ANXA13: variants seen among roughly 807,000 people sequenced by gnomAD.
The protein encoded by ANXA13 is annexin XIII.
ANXA13 carries 36 observed loss-of-function variants against 46.6 expected under a neutral mutation model. The observed-to-expected ratio is 0.77, with a 90% CI of 0.59 to 1.02. The LOEUF (loss-of-function observed/expected upper bound fraction) is 1.02. Ranked by LOEUF, ANXA13 falls within the 50% of genes least tolerant of loss-of-function variation. The pLI is 0.00. For synonymous variants in ANXA13, 163 were observed against 152.9 expected (o/e 1.07, Z -0.49); for missense variants, 417 against 396.5 (o/e 1.05, Z -0.44).
At chr8:123,720,689 TGTGTGTGTGA>T (rs1813848247) in intron 1 of ANXA13, among the ~76,000 whole-genome samples, 1 of 151,742 alleles carries the variant, frequency 6.6e-6, no homozygotes, top group Non-Finnish European at 1.5e-5. Context: ...TGTGTGTGTG[TGTGTGTGTGA>T]GTTAAGAACA....
intron 9 of ANXA13, among the ~76,000 whole-genome samples, chr8:123,685,140 G>A (rs748851344): frequency 4.3e-4 from 65 of 152,272 alleles, no homozygotes; most frequent in Admixed American, 8.5e-4. Flanking sequence ...TTGGACAGCC[G>A]CCTGCTCTCC....
chr8:123,693,159 C>G, intron 8 of ANXA13, 38 bp downstream of exon 8: 1 of 1,564,424 alleles, frequency 6.4e-7, no homozygotes, highest in Non-Finnish European at 8.8e-7. Flanking sequence ...AAGACACTTT[C>G]AGAGTGAACT....
intron 3 of ANXA13, among the ~76,000 whole-genome samples, chr8:123,699,214 T>G (rs934446125): frequency 7.2e-5 from 11 of 152,096 alleles, no homozygotes; most frequent in Admixed American, 1.3e-4. Flanking sequence ...CAGGGTGACT[T>G]TGTCACCCAG....
At chr8:123,685,302 T>C (rs1274467923) in intron 9 of ANXA13, among the ~76,000 whole-genome samples, 1 of 152,188 alleles carries the variant, frequency 6.6e-6, no homozygotes, top group Non-Finnish European at 1.5e-5. Context: ...TAAAGATCAC[T>C]TTCCTACGAT....
intron 10 of ANXA13, among the ~76,000 whole-genome samples, chr8:123,681,782 G>C (rs1813044913): frequency 1.3e-5 from 2 of 151,942 alleles, no homozygotes; most frequent in Non-Finnish European, 2.9e-5. Flanking sequence ...CACCATGCCT[G>C]GCTAATTTTT....
In ANXA13 at chr8:123,698,445, C is replaced by G. The variant is rs1478634364; in HGVS notation, c.301G>C (p.Gly101Arg). The G allele has an allele frequency of 4.3e-6, 7 of 1,614,038 alleles. No individual in the cohort carries two copies. The highest frequency in any genetic ancestry group is 2.7e-5 in the African/African-American group (2 of 74,910). ...AGGACGGACTCATCTGTGCCCAGAC[C>G]CTTCATAGCCTTCTGCAGCTGCCGG... is the stretch of plus-strand genomic sequence containing the variant. Reference protein sequence around the residue: ...AARQLQKAMKGLGTDESVLIE... With the variant: ...AARQLQKAMKRLGTDESVLIE... Residue 101 changes from glycine to arginine, a missense_variant, in exon 4 of 11, where the codon GGT becomes CGT. Physicochemically the swap from Gly to Arg is moderately radical, Grantham distance 125. Coordinates refer to ENST00000419625, the MANE Select transcript of ANXA13 (RefSeq NM_004306.4).
chr8:123,697,847 C>T (rs1473989756), intron 4 of ANXA13, among the ~76,000 whole-genome samples: 7 of 152,226 alleles, frequency 4.6e-5, no homozygotes, highest in Non-Finnish European at 1.0e-4. Context: ...TCTTCAGCCC[C>T]TGCAAAGGTG....
chr8:123,715,034 G>A (rs772244758), intron 1 of ANXA13, among the ~76,000 whole-genome samples: 7 of 152,168 alleles, frequency 4.6e-5, no homozygotes, highest in African/African-American at 7.2e-5. Context: ...CAGAGGGGTC[G>A]GATGACTCTG....
At chr8:123,712,477 A>C in intron 2 of ANXA13, 1 of 594,712 alleles carries the variant, frequency 1.7e-6, no homozygotes, top group South Asian at 2.0e-5. Context: ...CCTAGCTGTT[A>C]TATAGAATCC....
At chr8:123,717,205 A>G (rs1194431006) in intron 1 of ANXA13, among the ~76,000 whole-genome samples, 1 of 152,190 alleles carries the variant, frequency 6.6e-6, no homozygotes, top group Non-Finnish European at 1.5e-5. Context: ...TTGGGCCATT[A>G]ACCTCTAAGC....
intron 1 of ANXA13, among the ~76,000 whole-genome samples, chr8:123,717,941 T>A (rs1009790020): frequency 7.2e-5 from 11 of 152,226 alleles, no homozygotes; most frequent in Non-Finnish European, 2.9e-5. Flanking sequence ...CTGCTAACGC[T>A]GTACCTCTGG....
At chr8:123,713,756 C>A (rs1813705939) in intron 1 of ANXA13, among the ~76,000 whole-genome samples, 1 of 152,058 alleles carries the variant, frequency 6.6e-6, no homozygotes. Context: ...TGAAGTGGTG[C>A]GATCTCAGCT....
intron 3 of ANXA13, among the ~76,000 whole-genome samples, chr8:123,699,283 G>A (rs1813401202): frequency 6.6e-6 from 1 of 152,144 alleles, no homozygotes; most frequent in African/African-American, 2.4e-5. Flanking sequence ...GGGCTCAGAT[G>A]ATCCTCCCAT....
intron 1 of ANXA13, among the ~76,000 whole-genome samples, chr8:123,729,547 T>C (rs1225867622): frequency 6.6e-6 from 1 of 152,182 alleles, no homozygotes; most frequent in African/African-American, 2.4e-5. Context: ...AGCAAGAAGG[T>C]ATTTTTTCCC....
At chr8:123,697,865 C>A (rs919990453) in intron 4 of ANXA13, among the ~76,000 whole-genome samples, 4 of 152,224 alleles carry the variant, frequency 2.6e-5, no homozygotes, top group Non-Finnish European at 5.9e-5. Flanking sequence ...GTGGCATGTG[C>A]CGAGTGACAT....
chr8:123,698,957 T>C (rs1219512900), intron 3 of ANXA13, among the ~76,000 whole-genome samples: 1 of 152,200 alleles, frequency 6.6e-6, no homozygotes, highest in Non-Finnish European at 1.5e-5. Context: ...TACAGGGCTG[T>C]TATCTCTAGG....
rs756844002 is a variant in ANXA13 at position 123,712,692 on chromosome 8, G to C, written c.77C>G (p.Ala26Gly). 5.0e-6 allele frequency: 8 copies of C among 1,614,124 alleles called. No homozygotes were observed. ...ATCTCTCATACCCATTCCTTTGCAG[G>C]CTTTGTTCAGCTTTTTGGCATCTCG... ...VDRDAKKLNKACKGMGTNEAA... is the reference protein window; with the variant it reads ...VDRDAKKLNKGCKGMGTNEAA... Residue 26 changes from alanine (A) to glycine (G), a missense_variant, in exon 2 of 11, where the codon GCC (alanine) becomes GGC (glycine). Transcript: ENST00000419625.
chr8:123,734,287 T>C (rs890688423), intron 1 of ANXA13, among the ~76,000 whole-genome samples: 14 of 152,198 alleles, frequency 9.2e-5, no homozygotes, highest in African/African-American at 3.1e-4. Flanking sequence ...AGATAGTGAT[T>C]CTTGTGAAAA....
chr8:123,695,199 A>T (rs1054913609), intron 6 of ANXA13, among the ~76,000 whole-genome samples: 1 of 151,868 alleles, frequency 6.6e-6, no homozygotes, highest in African/African-American at 2.4e-5. Flanking sequence ...CAGGTTACCC[A>T]CCCTCTCATG....
Sources: gnomAD v4.1 joint callset for allele counts (sites outside exome capture counted in the v4.1 genomes callset) on GRCh38, gnomAD v4.1.1 for gene constraint, MANE v1.5 for transcripts, NCBI Gene and HGNC (gene_info 2026-07-23, HGNC 2026-07-21) for gene names.